Variants in MACROD2 observed in about 807,000 individuals in gnomAD.
The protein encoded by MACROD2 is ADP-ribose glycohydrolase MACROD2.
MACROD2 carries 36 observed loss-of-function variants against 70.4 expected under a neutral mutation model. That is an observed-to-expected ratio of 0.51 (90% CI 0.39 to 0.68). The LOEUF is 0.68. MACROD2 is among the 30% of genes least tolerant of loss of function. The pLI, the probability that MACROD2 is intolerant of heterozygous loss-of-function variation, is 0.00. For missense variants in MACROD2, 496 were observed against 538.4 expected, an observed-to-expected ratio of 0.92 and a Z score of 0.78; for synonymous variants, 172 against 178.8, an observed-to-expected ratio of 0.96 and a Z score of 0.30.
intron 3 of MACROD2, among the ~76,000 whole-genome samples, chr20:14,192,996 A>G (rs1406201593): frequency 6.6e-6 from 1 of 152,212 alleles, no homozygotes; most frequent in Non-Finnish European, 1.5e-5. Flanking sequence ...ATTCTTTGTA[A>G]TTCTCTCTGC....
intron 3 of MACROD2, among the ~76,000 whole-genome samples, chr20:14,155,842 T>A (rs2055094878): frequency 6.6e-6 from 1 of 152,200 alleles, no homozygotes. Flanking sequence ...TATTTAATTA[T>A]AAATATCAGT....
chr20:14,680,675 A>G (rs1380786774), intron 4 of MACROD2, among the ~76,000 whole-genome samples: 2 of 152,208 alleles, frequency 1.3e-5, no homozygotes, highest in Non-Finnish European at 2.9e-5. Context: ...AAGAAAATGT[A>G]TTCCAGAGTC....
intron 3 of MACROD2, among the ~76,000 whole-genome samples, chr20:14,292,010 T>C (rs2082390127): frequency 6.6e-6 from 1 of 151,894 alleles, no homozygotes; most frequent in Non-Finnish European, 1.5e-5. Context: ...CCCTGAAGTC[T>C]AGCCTTCATC....
intron 7 of MACROD2, among the ~76,000 whole-genome samples, chr20:15,443,891 G>A (rs2046528215): frequency 6.6e-6 from 1 of 152,136 alleles, no homozygotes; most frequent in African/African-American, 2.4e-5. Flanking sequence ...TCTAAGGAAT[G>A]ATTTCATTCA....
intron 8 of MACROD2, among the ~76,000 whole-genome samples, chr20:15,512,363 C>G (rs6043340): frequency 0.017 from 2,587 of 152,332 alleles, 72 homozygotes; most frequent in African/African-American, 0.059. Flanking sequence ...TCCCAATATC[C>G]TGTTGATAGT....
At chr20:14,606,888 A>G (rs764546668) in intron 4 of MACROD2, among the ~76,000 whole-genome samples, 25 of 152,150 alleles carry the variant, frequency 1.6e-4, no homozygotes, top group Non-Finnish European at 3.5e-4. Context: ...ATAAAAATAA[A>G]CTTTTGTTGT....
At chr20:15,157,236 C>T (rs575004536) in intron 5 of MACROD2, among the ~76,000 whole-genome samples, 1 of 152,042 alleles carries the variant, frequency 6.6e-6, no homozygotes, top group African/African-American at 2.4e-5. Context: ...AGACAGCCTC[C>T]TTCTCTTTGT....
At position 16,050,151 on chromosome 20, in the gene MACROD2, A is replaced by G. The variant is rs957527893; in HGVS notation, c.*275A>G. 4 of 310,016 alleles carry G rather than the reference A, an allele frequency of 1.3e-5. No individual in the cohort carries two copies. Among genetic ancestry groups the G allele is most frequent in the African/African-American group, 4.3e-5 (2 of 46,214 alleles). The allele number at this position is 310,016 out of a possible 1,614,324, so 19.2% of individuals were successfully genotyped here. A position where few individuals can be genotyped will look rare whatever the true frequency, so the allele number is the denominator to read the frequency against. ...TGTAATTTCTGTCTTTTCTCTTACA[A>G]CTTTGCCCCAGGGTCACAGTGGCTT... On this transcript the variant is annotated 3_prime_UTR_variant, in exon 18 of 18. Coordinates refer to ENST00000684519, the MANE Select transcript of MACROD2 (RefSeq NM_001351661.2).
intron 5 of MACROD2, among the ~76,000 whole-genome samples, chr20:15,057,938 T>A (rs977290901): frequency 6.6e-6 from 1 of 152,198 alleles, no homozygotes; most frequent in African/African-American, 2.4e-5. Context: ...TGTCTATGAC[T>A]TTCCTGTTGA....
chr20:14,909,815 T>C (rs1201073056), intron 5 of MACROD2, among the ~76,000 whole-genome samples: 1 of 152,190 alleles, frequency 6.6e-6, no homozygotes, highest in African/African-American at 2.4e-5. Flanking sequence ...TTTTTTTTCC[T>C]TCCTCTATGA....
intron 8 of MACROD2, among the ~76,000 whole-genome samples, chr20:15,862,011 T>G (rs756208762): frequency 9.9e-5 from 15 of 152,192 alleles, no homozygotes; most frequent in Non-Finnish European, 1.9e-4. Context: ...TTATGTATAC[T>G]CCGTGTCTCT....
intron 6 of MACROD2, among the ~76,000 whole-genome samples, chr20:15,267,511 A>C (rs2077306252): frequency 6.8e-6 from 1 of 146,784 alleles, no homozygotes; most frequent in Non-Finnish European, 1.5e-5. Context: ...AGCTGGCACA[A>C]AATAGGAGCC....
intron 10 of MACROD2, among the ~76,000 whole-genome samples, chr20:15,890,359 G>C (rs919558685): frequency 2.0e-5 from 3 of 152,138 alleles, no homozygotes; most frequent in African/African-American, 7.2e-5. Flanking sequence ...TTCAGCATTG[G>C]AAACTCTCTT....
intron 13 of MACROD2, 82 bp from the exon 14 acceptor site, chr20:15,986,645 A>C (rs1340098284): frequency 9.4e-7 from 1 of 1,062,844 alleles, no homozygotes; most frequent in Admixed American, 2.2e-5. Context: ...GCATGATTAA[A>C]GCACGGTTTC....
At chr20:14,735,465 G>A (rs907742659) in intron 5 of MACROD2, among the ~76,000 whole-genome samples, 5 of 152,074 alleles carry the variant, frequency 3.3e-5, no homozygotes, top group Non-Finnish European at 7.3e-5. Context: ...CCTGATAATG[G>A]CAAATAATAA....
At chr20:14,964,071 A>G (rs1438907199) in intron 5 of MACROD2, among the ~76,000 whole-genome samples, 2 of 151,840 alleles carry the variant, frequency 1.3e-5, no homozygotes, top group African/African-American at 4.8e-5. Flanking sequence ...TCTTCTCTGT[A>G]TAAGGTGATT....
At chr20:14,033,817 G>A (rs551089315) in intron 2 of MACROD2, among the ~76,000 whole-genome samples, 1 of 152,046 alleles carries the variant, frequency 6.6e-6, no homozygotes, top group Non-Finnish European at 1.5e-5. Flanking sequence ...ATAAATGTGT[G>A]TGTAGAATTT....
intron 3 of MACROD2, among the ~76,000 whole-genome samples, chr20:14,443,574 G>T (rs1916927958): frequency 6.6e-6 from 1 of 152,094 alleles, no homozygotes; most frequent in Admixed American, 6.5e-5. Context: ...TGGGATTACA[G>T]GCATGAGCCA....
Position 15,957,705 on chromosome 20 carries a change from G to GGAAGTGTGAGGGGTCAGGGCGGGA in MACROD2, c.908-9825_908-9824insAGAAGTGTGAGGGGTCAGGGCGGG, listed in dbSNP as rs2065997804. On this transcript the variant is annotated intron_variant, in intron 12 of 17. Transcript: ENST00000684519. Reference sequence around the variant, plus strand: ...TGCCCAAAGAAGGAAGTCTCCTCTGGGAAGTGTGAGGGGTCAGGGCGGGTA... The same window carrying GGAAGTGTGAGGGGTCAGGGCGGGA: ...TGCCCAAAGAAGGAAGTCTCCTCTGGGAAGTGTGAGGGGTCAGGGCGGGAGAAGTGTGAGGGGTCAGGGCGGGTA... 2.0e-5 allele frequency among the ~76,000 whole-genome samples: 3 copies of GGAAGTGTGAGGGGTCAGGGCGGGA among 152,324 alleles called. No individual in the cohort carries two copies. The East Asian group carries it at 5.8e-4, about 29-fold the overall frequency.
Sources: allele counts gnomAD v4.1 joint callset (sites outside exome capture counted in the v4.1 genomes callset), GRCh38; gene constraint gnomAD v4.1.1; transcripts MANE v1.5; gene names NCBI Gene and HGNC (gene_info 2026-07-23, HGNC 2026-07-21).